Variants in CDH13 observed in about 807,000 individuals in gnomAD.
CDH13 encodes cadherin 13.
A neutral mutation model predicts 63.8 loss-of-function variants in CDH13; 24 were observed. The ratio of observed to expected loss-of-function variants is 0.38; its 90% confidence interval spans 0.27 to 0.53. The LOEUF (loss-of-function observed/expected upper bound fraction) is 0.53, where lower values mean the gene tolerates loss of function less well. Ranked by LOEUF, CDH13 falls within the 20% of genes least tolerant of loss-of-function variation. The probability of loss-of-function intolerance (pLI) is 0.85; values close to 1 mark genes in which losing one functional copy is unlikely to be tolerated. For missense variants in CDH13, 1,049 were observed against 903.1 expected (o/e 1.16, Z -2.07); for synonymous variants, 503 against 355.3 (o/e 1.42, Z -4.67).
chr16:83,282,577 G>A (rs113048848), intron 5 of CDH13, among the ~76,000 whole-genome samples: 12 of 152,184 alleles, frequency 7.9e-5, no homozygotes, highest in African/African-American at 1.4e-4. Context: ...TAAAACAAGT[G>A]ACAACAGGAC....
At chr16:83,720,806 G>A (rs1359316337) in intron 10 of CDH13, among the ~76,000 whole-genome samples, 3 of 152,196 alleles carry the variant, frequency 2.0e-5, no homozygotes, top group Admixed American at 6.5e-5. Flanking sequence ...TGGAAGGTAA[G>A]CCCCATGGGG....
At chr16:83,588,090 A>G (rs1598335435) in intron 7 of CDH13, among the ~76,000 whole-genome samples, 2 of 152,160 alleles carry the variant, frequency 1.3e-5, no homozygotes, top group Admixed American at 1.3e-4. Context: ...GGGACCAGCC[A>G]GTGGGGCATC....
intron 2 of CDH13, among the ~76,000 whole-genome samples, chr16:82,989,194 A>G (rs1911345397): frequency 6.6e-6 from 1 of 152,210 alleles, no homozygotes; most frequent in Admixed American, 6.5e-5. Context: ...TGGCAGTGTG[A>G]GTAGCTGAAA....
rs999937638 is a variant in CDH13 at position 82,879,940 on chromosome 16, A to G, written c.157+21467A>G. On this transcript the variant is annotated intron_variant, in intron 2 of 13. Transcript: ENST00000567109. ...TAGATATTATAGAAATATATAATAT[A>G]TATTATAACATCAGTATGTATCATT... is the stretch of plus-strand genomic sequence containing the variant. Among the ~76,000 whole-genome samples, 13 of 128,346 alleles carry G rather than the reference A, an allele frequency of 1.0e-4. No individual in the cohort carries two copies. The South Asian group carries it at 1.1e-3, about 11-fold the overall frequency. The allele number at this position is 128,346 out of a possible 152,430, so 84.2% of individuals were successfully genotyped here. A position where few individuals can be genotyped will look rare whatever the true frequency, so the allele number is the denominator to read the frequency against.
At chr16:82,865,207 G>T (rs1265829478) in intron 2 of CDH13, among the ~76,000 whole-genome samples, 1 of 152,204 alleles carries the variant, frequency 6.6e-6, no homozygotes, top group Non-Finnish European at 1.5e-5. Flanking sequence ...AGTGCAAGCT[G>T]TCAATGGATC....
At chr16:82,925,289 G>A (rs1219062035) in intron 2 of CDH13, among the ~76,000 whole-genome samples, 4 of 152,278 alleles carry the variant, frequency 2.6e-5, no homozygotes, top group African/African-American at 9.6e-5. Flanking sequence ...ACCCCTAGCT[G>A]GTGTTTAAAG....
chr16:83,205,940 C>G (rs1425943210), intron 4 of CDH13, among the ~76,000 whole-genome samples: 1 of 152,092 alleles, frequency 6.6e-6, no homozygotes, highest in African/African-American at 2.4e-5. Context: ...GAGAGAGAAA[C>G]TGACCATGAG....
chr16:82,940,983 C>T (rs368836934), intron 2 of CDH13, among the ~76,000 whole-genome samples: 1 of 152,118 alleles, frequency 6.6e-6, no homozygotes. Flanking sequence ...GGAGAAGGTG[C>T]ACATTTGGGC....
intron 3 of CDH13, among the ~76,000 whole-genome samples, chr16:83,068,198 C>T (rs748508558): frequency 4.6e-5 from 7 of 152,306 alleles, no homozygotes; most frequent in Middle Eastern, 3.4e-3. Flanking sequence ...AATCATATTT[C>T]TATACATTTT....
At chr16:83,472,377 G>A (rs922941215) in intron 6 of CDH13, among the ~76,000 whole-genome samples, 1 of 152,222 alleles carries the variant, frequency 6.6e-6, no homozygotes, top group Admixed American at 6.5e-5. Flanking sequence ...CTTTAACAAA[G>A]GGGAATTGAT....
chr16:83,780,035 G>C lies in CDH13; in HGVS notation c.1749G>C (p.Pro583=). Residue 583 remains proline (P), a synonymous_variant, in exon 12 of 14, where the codon CCG becomes CCC. Transcript: ENST00000567109. Reference sequence around the variant, plus strand: ...TGGAGGACGTGAATGACAATGCCCCGTTCATTTACCCCACAGTAGCTGAAG... The same window carrying C: ...TGGAGGACGTGAATGACAATGCCCCCTTCATTTACCCCACAGTAGCTGAAG... ...ITLEDVNDNA[P]FIYPTVAEVC... The C allele has an allele frequency of 6.2e-7, 1 of 1,613,924 alleles. No homozygotes were observed. The highest frequency in any genetic ancestry group is 8.5e-7 in the Non-Finnish European group (1 of 1,179,872).
chr16:83,178,549 A>G (rs1295164462), intron 4 of CDH13, among the ~76,000 whole-genome samples: 1 of 152,204 alleles, frequency 6.6e-6, no homozygotes, highest in African/African-American at 2.4e-5. Flanking sequence ...TAATATTTGG[A>G]TCAGTGGGCC....
intron 1 of CDH13, among the ~76,000 whole-genome samples, chr16:82,685,900 C>T (rs1474478561): frequency 2.6e-5 from 4 of 152,160 alleles, no homozygotes; most frequent in Admixed American, 1.3e-4. Context: ...TTTTCAGGTG[C>T]TCCCTTTAGG....
intron 7 of CDH13, among the ~76,000 whole-genome samples, chr16:83,578,289 G>A (rs775963011): frequency 1.3e-5 from 2 of 152,202 alleles, no homozygotes; most frequent in Non-Finnish European, 2.9e-5. Context: ...CACAGCCGCG[G>A]GCTACTTTTC....
intron 10 of CDH13, among the ~76,000 whole-genome samples, chr16:83,692,732 C>T (rs1049054406): frequency 1.3e-5 from 2 of 152,114 alleles, no homozygotes; most frequent in African/African-American, 2.4e-5. Context: ...TAGAAACTAC[C>T]CCAGAGCAGC....
intron 6 of CDH13, among the ~76,000 whole-genome samples, chr16:83,401,654 A>G (rs1190362179): frequency 1.3e-5 from 2 of 150,520 alleles, no homozygotes; most frequent in African/African-American, 4.9e-5. Context: ...TTCCCATTTT[A>G]TGGACAAAAA....
At chr16:83,666,894 G>A (rs950586033) in intron 8 of CDH13, among the ~76,000 whole-genome samples, 2 of 152,024 alleles carry the variant, frequency 1.3e-5, no homozygotes, top group South Asian at 2.1e-4. Flanking sequence ...CAATTAACAC[G>A]TTGTTATACA....
intron 3 of CDH13, among the ~76,000 whole-genome samples, chr16:83,107,327 T>C (rs1191855213): frequency 1.3e-4 from 5 of 37,850 alleles, no homozygotes; most frequent in Non-Finnish European, 3.6e-4. Context: ...GTGGTGGTTG[T>C]GGTGGTGGTG....
Position 83,345,104 on chromosome 16 carries a change from G to C in CDH13, c.781+98G>C. On this transcript the variant is annotated intron_variant, in intron 6 of 13. Transcript: ENST00000567109. ...GACTGTCTTATGGCTGTTCCAACTT[G>C]TCAGCTCGTATCAGCGTCGACTTAA... is the stretch of plus-strand genomic sequence containing the variant. 8.0e-6 allele frequency: 11 copies of C among 1,371,082 alleles called. No homozygotes were observed. In the South Asian group the frequency reaches 1.3e-4, roughly 16 times the overall value. 84.9% of individuals were successfully genotyped at this position (1,371,082 alleles called of 1,614,324 possible).
Sources: gnomAD v4.1 joint callset for allele counts (sites outside exome capture counted in the v4.1 genomes callset) on GRCh38, gnomAD v4.1.1 for gene constraint, MANE v1.5 for transcripts, NCBI Gene and HGNC (gene_info 2026-07-23, HGNC 2026-07-21) for gene names.